Variants in MYO18B observed in about 807,000 individuals in gnomAD.
MYO18B encodes the protein unconventional myosin-XVIIIb.
In MYO18B, 204 loss-of-function variants were observed where a neutral mutation model predicts 273.0. The ratio of observed to expected loss-of-function variants is 0.75; its 90% CI spans 0.67 to 0.84. The LOEUF (loss-of-function observed/expected upper bound fraction) is 0.84. Ranked by LOEUF, MYO18B falls within the 40% of genes least tolerant of loss-of-function variation. The probability of loss-of-function intolerance (pLI) is 0.00; values close to 1 mark genes in which losing one functional copy is unlikely to be tolerated. For missense variants in MYO18B, 3,212 were observed against 3,287.6 expected (o/e 0.98, Z 0.56); for synonymous variants, 1,330 against 1,305.7 (o/e 1.02, Z -0.40).
At chr22:25,796,639 G>A (rs8140133) in intron 11 of MYO18B, among the ~76,000 whole-genome samples, 112,649 of 151,436 alleles carry the variant, frequency 0.74, 42,050 homozygotes, top group East Asian at 0.87. Flanking sequence ...ATTGCTGCAC[G>A]GAAGACAGAA....
At chr22:26,024,116 A>G (rs967328583) in intron 42 of MYO18B, among the ~76,000 whole-genome samples, 5 of 152,220 alleles carry the variant, frequency 3.3e-5, no homozygotes, top group Admixed American at 6.5e-5. Flanking sequence ...TTGAACTTCA[A>G]TTGAGGCTTT....
chr22:25,874,385 C>T lies in MYO18B; in HGVS notation c.4051C>T (p.Leu1351=). 1 of 1,613,958 alleles carries T rather than the reference C, an allele frequency of 6.2e-7. No individual in the cohort carries two copies. The highest frequency in any genetic ancestry group is 8.5e-7 in the Non-Finnish European group (1 of 1,179,858). ...CTTCCAGGCGGCTTGCAAGGGCTTT[C>T]TGTCTCGCCAGGAATTCAAGAAGCT... ...VLFQAACKGF[L]SRQEFKKLKI... The change falls in exon 23 of 44, where the codon CTG becomes TTG. Residue 1351 remains leucine (L), a synonymous_variant. Coordinates refer to ENST00000335473, the MANE Select transcript of MYO18B (RefSeq NM_032608.7).
intron 39 of MYO18B, among the ~76,000 whole-genome samples, chr22:25,975,884 A>G (rs1214679184): frequency 6.6e-6 from 1 of 152,200 alleles, no homozygotes; most frequent in Non-Finnish European, 1.5e-5. Flanking sequence ...CCCCAAAGTT[A>G]TGAAAGGGTG....
At chr22:25,807,767 A>T (rs1001644399) in intron 12 of MYO18B, among the ~76,000 whole-genome samples, 2 of 152,200 alleles carry the variant, frequency 1.3e-5, no homozygotes, top group South Asian at 2.1e-4. Context: ...CCACCCCTAG[A>T]TGAAGGAGCA....
chr22:25,764,517 C>T (rs1302928455), intron 3 of MYO18B, among the ~76,000 whole-genome samples: 1 of 152,218 alleles, frequency 6.6e-6, no homozygotes, highest in Non-Finnish European at 1.5e-5. Flanking sequence ...CTCTTCCTTC[C>T]CCTCCCCTTC....
At position 25,891,400 on chromosome 22, in the gene MYO18B, C is replaced by A; in HGVS notation, c.4531C>A (p.Pro1511Thr). 3 of 1,577,310 alleles carry A rather than the reference C, an allele frequency of 1.9e-6. No homozygotes were observed. The highest frequency in any genetic ancestry group is 2.6e-6 in the Non-Finnish European group (3 of 1,160,100). ...KIQLNDLERN[P>T]TGGADEWQMR... ...TCAGTTGAATGACTTGGAAAGGAATCCCACTGGAGGAGGTGAGCAGCCTGG... is the reference window on the plus strand; with the variant it reads ...TCAGTTGAATGACTTGGAAAGGAATACCACTGGAGGAGGTGAGCAGCCTGG... The change falls in exon 27 of 44, where the codon CCC (proline) becomes ACC (threonine). Residue 1511 changes from proline (P) to threonine (T), a missense_variant. Pro to Thr is a conservative substitution (Grantham distance 38, BLOSUM62 -1). Coordinates refer to ENST00000335473, the MANE Select transcript of MYO18B (RefSeq NM_032608.7).
intron 1 of MYO18B, among the ~76,000 whole-genome samples, chr22:25,744,795 G>A (rs962979759): frequency 2.6e-5 from 4 of 152,020 alleles, no homozygotes; most frequent in African/African-American, 9.7e-5. Context: ...AATGGAGGAG[G>A]TGGGTTTGAG....
At chr22:26,025,466 A>T (rs1271321940) in intron 42 of MYO18B, among the ~76,000 whole-genome samples, 1 of 152,216 alleles carries the variant, frequency 6.6e-6, no homozygotes, top group Non-Finnish European at 1.5e-5. Context: ...TCCAGCAACA[A>T]AGCACTCAGA....
chr22:25,940,925 A>G (rs1204505537), intron 34 of MYO18B, among the ~76,000 whole-genome samples: 4 of 152,224 alleles, frequency 2.6e-5, no homozygotes. Flanking sequence ...ATAGTAGGCA[A>G]TGAAGCCCTC....
At chr22:26,057,100 C>T in the MYO18B span, among the ~76,000 whole-genome samples, 2 of 152,026 alleles carry the variant, frequency 1.3e-5, no homozygotes, top group Non-Finnish European at 2.9e-5. Flanking sequence ...GACAACCGTC[C>T]CCTGGGTTCC....
At chr22:25,795,259 G>A (rs2087859595) in intron 11 of MYO18B, among the ~76,000 whole-genome samples, 1 of 152,144 alleles carries the variant, frequency 6.6e-6, no homozygotes, top group Non-Finnish European at 1.5e-5. Flanking sequence ...TTTTGTCAGG[G>A]CACTCTGCAG....
chr22:25,935,921 G>C (rs2092571531), intron 34 of MYO18B, among the ~76,000 whole-genome samples: 1 of 152,342 alleles, frequency 6.6e-6, no homozygotes, highest in East Asian at 1.9e-4. Context: ...AGGCTACAGA[G>C]TCAGGCAGTC....
chr22:25,876,173 T>A lies in MYO18B; in HGVS notation c.4081-16T>A. ...GTTGGAAAGGACCCTCCAGTCTGTG[T>A]TCTCCTTCCCTGCAGATTCGCCGAC... On this transcript the variant is annotated splice_polypyrimidine_tract_variant and intron_variant, in intron 23 of 43. Coordinates refer to ENST00000335473, the MANE Select transcript of MYO18B (RefSeq NM_032608.7). 1 of 1,607,846 alleles carries A rather than the reference T, an allele frequency of 6.2e-7. No homozygotes were observed. The highest frequency in any genetic ancestry group is 1.1e-5 in the South Asian group (1 of 89,736).
At chr22:25,880,558 C>G (rs932705994) in intron 25 of MYO18B, among the ~76,000 whole-genome samples, 1 of 152,150 alleles carries the variant, frequency 6.6e-6, no homozygotes, top group Non-Finnish European at 1.5e-5. Context: ...CTCTGGGTAC[C>G]TCCAAGGATT....
chr22:26,052,353 G>A, the MYO18B span, among the ~76,000 whole-genome samples: 1 of 151,996 alleles, frequency 6.6e-6, no homozygotes, highest in Admixed American at 6.5e-5. Context: ...CAATTTATTG[G>A]GCTGGTTACC....
chr22:25,992,475 G>A lies in MYO18B; in HGVS notation c.6269G>A (p.Ser2090Asn). 1 of 1,613,988 alleles carries A rather than the reference G, an allele frequency of 6.2e-7. No homozygotes were observed. The highest frequency in any genetic ancestry group is 1.1e-5 in the South Asian group (1 of 91,084). The change falls in exon 40 of 44, where the codon AGT becomes AAT. Residue 2090 changes from serine to asparagine, a missense_variant. Ser to Asn is a conservative substitution (Grantham distance 46, BLOSUM62 1). Coordinates refer to ENST00000335473, the MANE Select transcript of MYO18B (RefSeq NM_032608.7). The part of the protein sequence containing the change: ...LQAALEEVAS[S>N]DSDTESVQTA... The stretch of plus-strand genomic sequence containing the variant: ...GCTGCCTTGGAAGAAGTGGCATCCA[G>A]TGACAGTGATACTGAGAGGTAACTT...
At chr22:25,789,212 C>T (rs537028375) in intron 11 of MYO18B, among the ~76,000 whole-genome samples, 42 of 152,138 alleles carry the variant, frequency 2.8e-4, no homozygotes, top group African/African-American at 8.9e-4. Flanking sequence ...CAGCAAGACA[C>T]GCTACCTAGC....
At chr22:25,925,361 G>A (rs2146466870) in intron 34 of MYO18B, among the ~76,000 whole-genome samples, 1 of 152,216 alleles carries the variant, frequency 6.6e-6, no homozygotes, top group South Asian at 2.1e-4. Context: ...TTCGAGTTCA[G>A]TGGTAGCATG....
chr22:25,762,664 C>G (rs1205189610), intron 2 of MYO18B, among the ~76,000 whole-genome samples: 4 of 152,264 alleles, frequency 2.6e-5, no homozygotes, highest in Non-Finnish European at 1.5e-5. Context: ...TAAGGACTGT[C>G]AGGAAGCCAC....
Sources: allele counts gnomAD v4.1 joint callset (sites outside exome capture counted in the v4.1 genomes callset), GRCh38; gene constraint gnomAD v4.1.1; transcripts MANE v1.5; gene names NCBI Gene and HGNC (gene_info 2026-07-23, HGNC 2026-07-21).